ROCK1: variants seen among roughly 807,000 people sequenced by gnomAD.
ROCK1 encodes the protein Rho associated coiled-coil containing protein kinase 1.
ROCK1 carries 36 observed loss-of-function variants against 196.8 expected under a neutral mutation model. That is an observed-to-expected ratio of 0.18 (90% CI 0.14 to 0.24). The LOEUF (loss-of-function observed/expected upper bound fraction) is 0.24. Among genes scored for constraint, ROCK1 ranks in the 10% least tolerant of loss-of-function variants. The pLI is 1.00. For synonymous variants in ROCK1, 443 were observed against 515.9 expected (o/e 0.86, Z 1.91); for missense variants, 920 against 1,562.0 (o/e 0.59, Z 6.93).
At chr18:20,951,473 A>G (rs1439438794) in intron 32 of ROCK1, 86 bp from the exon 33 acceptor site, 4 of 1,038,376 alleles carry the variant, frequency 3.9e-6, no homozygotes, top group Admixed American at 5.0e-5. Flanking sequence ...AAAGGTAAAT[A>G]TACATTATCT....
chr18:20,976,041 A>C (rs1279827123), intron 22 of ROCK1, among the ~76,000 whole-genome samples: 1 of 152,086 alleles, frequency 6.6e-6, no homozygotes, highest in African/African-American at 2.4e-5. Context: ...CCCATTCCTT[A>C]AAAGTCTAGG....
chr18:21,057,191 T>C (rs1406996672), intron 2 of ROCK1, among the ~76,000 whole-genome samples: 1 of 152,240 alleles, frequency 6.6e-6, no homozygotes, highest in Non-Finnish European at 1.5e-5. Context: ...CTTTTAGCAA[T>C]TTCTGATTGT....
chr18:21,082,981 C>A (rs2036495123), intron 1 of ROCK1, among the ~76,000 whole-genome samples: 1 of 152,106 alleles, frequency 6.6e-6, no homozygotes, highest in African/African-American at 2.4e-5. Flanking sequence ...CGTCAGAGCC[C>A]ATAACCAAAT....
At chr18:21,007,264 C>T (rs1223482372) in intron 14 of ROCK1, among the ~76,000 whole-genome samples, 1 of 152,050 alleles carries the variant, frequency 6.6e-6, no homozygotes, top group Non-Finnish European at 1.5e-5. Context: ...TTAATTTAAG[C>T]ATATATAGAC....
intron 20 of ROCK1, among the ~76,000 whole-genome samples, chr18:20,983,504 A>G (rs1210612081): frequency 1.3e-5 from 2 of 152,022 alleles, no homozygotes; most frequent in Non-Finnish European, 2.9e-5. Flanking sequence ...ATAATTATTT[A>G]CTGTATAATA....
At chr18:20,972,584 C>G (rs556512821) in intron 22 of ROCK1, among the ~76,000 whole-genome samples, 15 of 152,272 alleles carry the variant, frequency 9.9e-5, no homozygotes, top group African/African-American at 3.6e-4. Context: ...GAAAGAGTAG[C>G]CAGTTCAATA....
In ROCK1 at chr18:20,984,333, GTTATT is replaced by G. The variant is rs747778973; in HGVS notation, c.2489+13_2489+17del. On this transcript the variant is annotated intron_variant, in intron 20 of 32. Transcript: ENST00000399799. ...ACACAAAAAAGAAAGAAATCACAATGTTATTTTAAAGACTTACTTCGTAAGCTGAG... is the reference window on the plus strand; with the variant it reads ...ACACAAAAAAGAAAGAAATCACAATGTTAAAGACTTACTTCGTAAGCTGAG... 15 of 1,558,528 alleles carry G rather than the reference GTTATT, an allele frequency of 9.6e-6. No individual in the cohort carries two copies. The highest frequency in any genetic ancestry group is 6.7e-5 in the East Asian group (3 of 44,458).
At chr18:21,000,295 T>C (rs1413939725) in intron 16 of ROCK1, among the ~76,000 whole-genome samples, 1 of 151,890 alleles carries the variant, frequency 6.6e-6, no homozygotes. Flanking sequence ...AGGGTCTCAC[T>C]GTGTTCGCCC....
intron 2 of ROCK1, among the ~76,000 whole-genome samples, chr18:21,064,223 C>T (rs926342534): frequency 3.3e-5 from 5 of 152,160 alleles, no homozygotes; most frequent in Non-Finnish European, 7.4e-5. Flanking sequence ...TCAATTTACA[C>T]CAAACTCCTG....
intron 12 of ROCK1, among the ~76,000 whole-genome samples, chr18:21,019,311 G>C (rs1280280641): frequency 6.6e-6 from 1 of 152,054 alleles, no homozygotes; most frequent in Non-Finnish European, 1.5e-5. Flanking sequence ...ACACCTTCGT[G>C]CCCAGCTAAT....
chr18:21,085,948 A>C (rs1476807327), intron 1 of ROCK1, among the ~76,000 whole-genome samples: 1 of 152,152 alleles, frequency 6.6e-6, no homozygotes, highest in Non-Finnish European at 1.5e-5. Flanking sequence ...ACACAATCAA[A>C]GTTTTCTCCT....
chr18:21,091,192 A>C (rs975164109), intron 1 of ROCK1, among the ~76,000 whole-genome samples: 2 of 152,148 alleles, frequency 1.3e-5, no homozygotes, highest in Non-Finnish European at 2.9e-5. Flanking sequence ...GATAACGAGG[A>C]TGAAGACCTT....
chr18:21,048,093 A>G (rs2036176198), intron 4 of ROCK1, among the ~76,000 whole-genome samples: 1 of 152,140 alleles, frequency 6.6e-6, no homozygotes, highest in Non-Finnish European at 1.5e-5. Context: ...GATTTTGCCT[A>G]AGGTACCTCC....
intron 10 of ROCK1, among the ~76,000 whole-genome samples, chr18:21,026,045 T>C (rs2035952759): frequency 6.6e-6 from 1 of 152,232 alleles, no homozygotes; most frequent in African/African-American, 2.4e-5. Flanking sequence ...TATTAACTGC[T>C]GGACTCTACT....
At chr18:21,078,070 T>C (rs1037769008) in intron 1 of ROCK1, among the ~76,000 whole-genome samples, 3 of 152,192 alleles carry the variant, frequency 2.0e-5, no homozygotes, top group African/African-American at 7.2e-5. Flanking sequence ...GGCTCATGCC[T>C]GTAATCCCAG....
intron 19 of ROCK1, among the ~76,000 whole-genome samples, chr18:20,984,762 T>A (rs766710642): frequency 6.6e-6 from 1 of 152,058 alleles, no homozygotes; most frequent in East Asian, 1.9e-4. Flanking sequence ...GGGAAAAAAA[T>A]TCTGGTTCCT....
chr18:21,056,758 C>G (rs927887133), intron 2 of ROCK1, among the ~76,000 whole-genome samples: 1 of 152,184 alleles, frequency 6.6e-6, no homozygotes, highest in African/African-American at 2.4e-5. Flanking sequence ...CATTTCCTTA[C>G]CTCTATGATA....
intron 1 of ROCK1, among the ~76,000 whole-genome samples, chr18:21,083,862 G>C (rs1242684651): frequency 6.6e-6 from 1 of 152,174 alleles, no homozygotes. Context: ...TGTATTTCAT[G>C]TATTTCAAAT....
Position 21,028,907 on chromosome 18 carries a change from A to C in ROCK1, c.1080T>G (p.Ser360Arg). ...DTVAPVVPDL[S>R]SDIDTSNFDD... ...CAAAATTACTAGTATCAATGTCACT[A>C]CTTAAATCGGGTACAACTGGTGCTA... The change falls in exon 10 of 33, where the codon AGT (serine) becomes AGG (arginine). Residue 360 changes from serine (S) to arginine (R), a missense_variant. By Grantham distance (110) the Ser-to-Arg change is moderately radical. Coordinates refer to ENST00000399799, the MANE Select transcript of ROCK1 (RefSeq NM_005406.3). 6.2e-7 allele frequency: 1 copy of C among 1,610,904 alleles called. No homozygotes were observed. Among genetic ancestry groups the C allele is most frequent in the Non-Finnish European group, 8.5e-7 (1 of 1,179,244 alleles).
Sources: gnomAD v4.1 joint callset for allele counts (sites outside exome capture counted in the v4.1 genomes callset) on GRCh38, gnomAD v4.1.1 for gene constraint, MANE v1.5 for transcripts, NCBI Gene and HGNC (gene_info 2026-07-23, HGNC 2026-07-21) for gene names.